Variants in DUSP14 observed in about 807,000 individuals in gnomAD.
The protein encoded by DUSP14 is dual specificity protein phosphatase 14.
Under a neutral mutation model 13.2 loss-of-function variants are expected in DUSP14, and 5 were observed. The ratio of observed to expected loss-of-function variants is 0.38; its 90% CI spans 0.20 to 0.80. The LOEUF (loss-of-function observed/expected upper bound fraction) is 0.80. Among genes scored for constraint, DUSP14 ranks in the 30% least tolerant of loss-of-function variants. The pLI is 0.44. For missense variants in DUSP14, 185 were observed against 264.0 expected (o/e 0.70, Z 2.07); for synonymous variants, 91 against 103.4 (o/e 0.88, Z 0.73).
intron 1 of DUSP14, among the ~76,000 whole-genome samples, chr17:37,493,413 A>T (rs1028378673): frequency 3.3e-5 from 5 of 152,206 alleles, no homozygotes; most frequent in African/African-American, 1.2e-4. Flanking sequence ...CTGGTTTCCA[A>T]AGTGGTTGTA....
intron 1 of DUSP14, among the ~76,000 whole-genome samples, chr17:37,505,591 C>T (rs960802195): frequency 1.3e-5 from 2 of 151,208 alleles, no homozygotes; most frequent in South Asian, 2.1e-4. Flanking sequence ...AAAGAAAAGC[C>T]GTAGATAGAA....
chr17:37,511,937 A>AGTTTTTTTTTTGTTTTTTTTTTTTTTTT (rs1329764853), intron 2 of DUSP14, among the ~76,000 whole-genome samples: 1 of 16,442 alleles, frequency 6.1e-5, no homozygotes, highest in Non-Finnish European at 1.2e-4. Context: ...CCCCCACCCC[A>AGTTTTTTTTTTGTTTTTTTTTTTTTTTT]CTTTTTTTTT....
intron 1 of DUSP14, among the ~76,000 whole-genome samples, chr17:37,495,480 G>A (rs1228749683): frequency 6.6e-6 from 1 of 152,070 alleles, no homozygotes; most frequent in African/African-American, 2.4e-5. Flanking sequence ...TTGTTTGTTT[G>A]TTTGTTTTGA....
chr17:37,512,104 C>T lies in DUSP14; in HGVS notation c.-92-77C>T. 1.7e-6 allele frequency: 1 copy of T among 589,490 alleles called. No individual in the cohort carries two copies. Among genetic ancestry groups the T allele is most frequent in the South Asian group, 2.4e-5 (1 of 41,104 alleles). 36.5% of individuals were successfully genotyped at this position (589,490 alleles called of 1,614,324 possible). ...ATTTAAAAAAAAACCCTCTAATCTTCCCATTTGACAAATGTGACAGAAGGC... is the reference window on the plus strand; with the variant it reads ...ATTTAAAAAAAAACCCTCTAATCTTTCCATTTGACAAATGTGACAGAAGGC... On this transcript the variant is annotated intron_variant, in intron 2 of 2. Coordinates refer to ENST00000617516, the MANE Select transcript of DUSP14 (RefSeq NM_007026.4). The surrounding 1 kb of genome is among the most constrained non-coding windows in gnomAD (Gnocchi z 4.8).
intron 1 of DUSP14, among the ~76,000 whole-genome samples, chr17:37,509,289 A>AGTG (rs1192287210): frequency 2.3e-4 from 6 of 25,714 alleles, no homozygotes; most frequent in African/African-American, 8.3e-4. Flanking sequence ...ATATATATAT[A>AGTG]TATATATAGT....
intron 1 of DUSP14, among the ~76,000 whole-genome samples, chr17:37,499,778 C>A (rs995862243): frequency 3.9e-5 from 6 of 152,172 alleles, no homozygotes; most frequent in African/African-American, 1.4e-4. Flanking sequence ...GATCCACTCA[C>A]CTCGGCCTCC....
At chr17:37,492,721 C>G (rs34782765) in intron 1 of DUSP14, among the ~76,000 whole-genome samples, 8,872 of 152,130 alleles carry the variant, frequency 0.058, 301 homozygotes, top group Middle Eastern at 0.082. Context: ...AAAAAAGTGT[C>G]TAAAACAAAT....
At chr17:37,511,455 A>AT (rs1178748643) in intron 2 of DUSP14, among the ~76,000 whole-genome samples, 2 of 151,352 alleles carry the variant, frequency 1.3e-5, no homozygotes, top group Non-Finnish European at 2.9e-5. Flanking sequence ...TAATTTTTGT[A>AT]TTTTTAGTAG....
At chr17:37,493,965 G>A (rs1347702733) in intron 1 of DUSP14, among the ~76,000 whole-genome samples, 12 of 151,260 alleles carry the variant, frequency 7.9e-5, no homozygotes, top group African/African-American at 2.7e-4. Flanking sequence ...CACAGACTCT[G>A]TGCTACAGGA....
chr17:37,505,872 AG>A (rs1220069947), intron 1 of DUSP14, among the ~76,000 whole-genome samples: 1 of 152,114 alleles, frequency 6.6e-6, no homozygotes, highest in Non-Finnish European at 1.5e-5. Context: ...CTGAGATTAG[AG>A]GCCCGCTGGG....
chr17:37,507,941 G>C (rs1269568861), intron 1 of DUSP14, among the ~76,000 whole-genome samples: 2 of 152,254 alleles, frequency 1.3e-5, no homozygotes, highest in African/African-American at 4.8e-5. Context: ...CTGCTCTGCT[G>C]TAGGAAAGGA....
chr17:37,505,635 C>CTTT (rs35707292), intron 1 of DUSP14, among the ~76,000 whole-genome samples: 6 of 120,954 alleles, frequency 5.0e-5, no homozygotes, highest in East Asian at 2.4e-4. Context: ...TGGTTGTCAT[C>CTTT]TTTTTTTTTT....
At chr17:37,491,781 G>A (rs1372380506) in intron 1 of DUSP14, among the ~76,000 whole-genome samples, 2 of 152,110 alleles carry the variant, frequency 1.3e-5, no homozygotes, top group Non-Finnish European at 2.9e-5. Flanking sequence ...GGGTTCCTTT[G>A]CAATTGGGAT....
At chr17:37,508,109 C>T (rs574525680) in intron 1 of DUSP14, among the ~76,000 whole-genome samples, 1 of 152,340 alleles carries the variant, frequency 6.6e-6, no homozygotes, top group East Asian at 1.9e-4. Context: ...GATGTGGGCT[C>T]CCAAAGCGAG....
chr17:37,512,130 T>C lies in DUSP14; in HGVS notation c.-92-51T>C, dbSNP rs1278528472. On this transcript the variant is annotated intron_variant, in intron 2 of 2. Transcript: ENST00000617516. The surrounding 1 kb of genome is among the most constrained non-coding windows in gnomAD (Gnocchi z 4.8). ...CCATTTGACAAATGTGACAGAAGGC[T>C]GTGATGAATCAGTAGCATTTAAAGT... 7 of 651,706 alleles carry C rather than the reference T, an allele frequency of 1.1e-5. No homozygotes were observed. The highest frequency in any genetic ancestry group is 1.8e-5 in the Non-Finnish European group (7 of 380,942). The allele number at this position is 651,706 out of a possible 1,614,324, so 40.4% of individuals were successfully genotyped here. A position where few individuals can be genotyped will look rare whatever the true frequency, so the allele number is the denominator to read the frequency against.
At chr17:37,503,006 G>A (rs933356693) in intron 1 of DUSP14, among the ~76,000 whole-genome samples, 2 of 152,172 alleles carry the variant, frequency 1.3e-5, no homozygotes, top group African/African-American at 4.8e-5. Flanking sequence ...AAAGTGCTGG[G>A]ATTACAAGCA....
intron 1 of DUSP14, among the ~76,000 whole-genome samples, chr17:37,495,277 A>G (rs1187239205): frequency 6.6e-6 from 1 of 152,220 alleles, no homozygotes; most frequent in African/African-American, 2.4e-5. Context: ...TCACCTGGGC[A>G]CGTCCCATTC....
chr17:37,493,468 C>T (rs1479086775), intron 1 of DUSP14, among the ~76,000 whole-genome samples: 1 of 152,110 alleles, frequency 6.6e-6, no homozygotes, highest in African/African-American at 2.4e-5. Flanking sequence ...GTTTGTAAGT[C>T]ACTGTATTTG....
chr17:37,509,242 ACT>A (rs2054162542), intron 1 of DUSP14, among the ~76,000 whole-genome samples: 1 of 43,956 alleles, frequency 2.3e-5, no homozygotes, highest in Non-Finnish European at 3.8e-5. Flanking sequence ...CTATATACAC[ACT>A]ATATATATAT....
Sources: gnomAD v4.1 joint callset for allele counts (sites outside exome capture counted in the v4.1 genomes callset) on GRCh38, gnomAD v4.1.1 for gene constraint, Gnocchi (gnomAD v3.1) non-coding constraint, MANE v1.5 for transcripts, NCBI Gene and HGNC (gene_info 2026-07-23, HGNC 2026-07-21) for gene names.